BICDL1: variants seen among roughly 807,000 people sequenced by gnomAD.
The protein encoded by BICDL1 is BICD family-like cargo adapter 1.
BICDL1 carries 20 observed loss-of-function variants against 76.8 expected under a neutral mutation model. The ratio of observed to expected loss-of-function variants is 0.26; its 90% CI spans 0.18 to 0.38. The LOEUF (loss-of-function observed/expected upper bound fraction) is 0.38. BICDL1 is among the 10% of genes least tolerant of loss of function. The probability of loss-of-function intolerance (pLI) is 1.00; values close to 1 mark genes in which losing one functional copy is unlikely to be tolerated. For synonymous variants in BICDL1, 383 were observed against 337.1 expected (o/e 1.14, Z -1.49); for missense variants, 700 against 798.6 (o/e 0.88, Z 1.49).
intron 2 of BICDL1, among the ~76,000 whole-genome samples, chr12:120,020,763 C>T (rs1421454343): frequency 2.0e-5 from 3 of 152,152 alleles, no homozygotes; most frequent in African/African-American, 7.2e-5. Flanking sequence ...GAGAAAGACA[C>T]AGCTTTACAA....
At chr12:120,047,040 C>T (rs973959127) in intron 2 of BICDL1, among the ~76,000 whole-genome samples, 3 of 152,210 alleles carry the variant, frequency 2.0e-5, no homozygotes, top group Admixed American at 6.5e-5. Flanking sequence ...TGAGGGATTA[C>T]GTTTCTGATA....
At chr12:120,052,217 C>T (rs748074728) in intron 2 of BICDL1, among the ~76,000 whole-genome samples, 5 of 152,014 alleles carry the variant, frequency 3.3e-5, no homozygotes, top group Non-Finnish European at 7.4e-5. Flanking sequence ...GCTGGGATTA[C>T]AGGCATGCCT....
At chr12:120,091,540 C>G (rs2139031708) in intron 9 of BICDL1, 1 of 985,734 alleles carries the variant, frequency 1.0e-6, no homozygotes, top group African/African-American at 1.7e-5. Context: ...TGGCAAATAC[C>G]TGGCACAGTG....
chr12:120,007,451 C>T (rs1951870986), intron 2 of BICDL1, among the ~76,000 whole-genome samples: 1 of 152,034 alleles, frequency 6.6e-6, no homozygotes, highest in African/African-American at 2.4e-5. Context: ...AAGAGTGTCC[C>T]CCACCCCCCA....
chr12:119,989,307 C>A lies in BICDL1; in HGVS notation c.-562C>A, dbSNP rs1360238130. Among the ~76,000 whole-genome samples, 8 of 150,478 alleles carry A rather than the reference C, an allele frequency of 5.3e-5. No individual in the cohort carries two copies. Among genetic ancestry groups the A allele is most frequent in the Admixed American group, 4.0e-4 (6 of 15,174 alleles). ...CCTCGGCCCCTGCAGCAGCAGCAGC[C>A]GCCGTCGCCGCCGCTGCTGCTGGGG... On this transcript the variant is annotated 5_prime_UTR_variant, in exon 1 of 10. Transcript: ENST00000548673.
At chr12:120,076,459 C>T (rs1448621998) in intron 7 of BICDL1, among the ~76,000 whole-genome samples, 1 of 152,132 alleles carries the variant, frequency 6.6e-6, no homozygotes, top group East Asian at 1.9e-4. Flanking sequence ...AATTATAAAA[C>T]TAGAACTCCA....
intron 2 of BICDL1, among the ~76,000 whole-genome samples, chr12:120,054,602 G>A (rs1952935800): frequency 6.6e-6 from 1 of 152,154 alleles, no homozygotes; most frequent in African/African-American, 2.4e-5. Flanking sequence ...TAATAGGCTG[G>A]GTGTGGTGGC....
Position 120,071,699 on chromosome 12 carries a change from TGAG to T in BICDL1, c.991_993del (p.Glu331del). 2 of 1,612,532 alleles carry T rather than the reference TGAG, an allele frequency of 1.2e-6. No individual in the cohort carries two copies. Among genetic ancestry groups the T allele is most frequent in the Non-Finnish European group, 1.7e-6 (2 of 1,179,772 alleles). ...TGCAGGTGAAGGTGGAAGAACTCAC[TGAG>T]GAGAGGAGTCTGCAGAGCTCTGCCG... is the stretch of plus-strand genomic sequence containing the variant. On this transcript the variant is annotated inframe_deletion, in exon 5 of 10. Coordinates refer to ENST00000548673, the MANE Select transcript of BICDL1 (RefSeq NM_001367886.1). This position sits in a 1 kb window ranked among gnomAD's most constrained non-coding sequence, Gnocchi z 4.8.
chr12:120,010,549 C>G (rs111284897), intron 2 of BICDL1, among the ~76,000 whole-genome samples: 2 of 152,160 alleles, frequency 1.3e-5, no homozygotes, highest in Non-Finnish European at 2.9e-5. Flanking sequence ...TTTCAATCAG[C>G]GGTTCTCAAA....
intron 2 of BICDL1, among the ~76,000 whole-genome samples, chr12:120,012,148 AT>A (rs1477183693): frequency 6.6e-6 from 1 of 152,078 alleles, no homozygotes; most frequent in African/African-American, 2.4e-5. Flanking sequence ...TCTCACCCAA[AT>A]TTACTCCTTT....
intron 7 of BICDL1, 76 bp from the exon 8 acceptor site, chr12:120,080,811 C>G (rs1873909719): frequency 1.9e-6 from 3 of 1,560,532 alleles, no homozygotes; most frequent in East Asian, 2.3e-5. Flanking sequence ...CCTGGGGTCT[C>G]TTTGTTCCTT....
At chr12:120,045,409 C>A (rs1318711730) in intron 2 of BICDL1, among the ~76,000 whole-genome samples, 1 of 152,026 alleles carries the variant, frequency 6.6e-6, no homozygotes, top group African/African-American at 2.4e-5. Flanking sequence ...CCCAGCCATC[C>A]CATTACTGGG....
chr12:119,990,582 C>G (rs1187465355), intron 1 of BICDL1, among the ~76,000 whole-genome samples: 2 of 152,184 alleles, frequency 1.3e-5, no homozygotes, highest in Admixed American at 6.5e-5. Context: ...TACAGTATGA[C>G]TATATAGCAC....
At chr12:120,057,263 C>T in intron 2 of BICDL1, 1 of 371,858 alleles carries the variant, frequency 2.7e-6, no homozygotes, top group South Asian at 2.0e-5. Flanking sequence ...GATCCTTCCA[C>T]CTTGGCCTCC....
chr12:120,062,301 T>C (rs1200774584), intron 3 of BICDL1, among the ~76,000 whole-genome samples: 2 of 152,168 alleles, frequency 1.3e-5, no homozygotes, highest in East Asian at 1.9e-4. Context: ...ATTGGAACCA[T>C]AGGAGAGGCC....
intron 2 of BICDL1, among the ~76,000 whole-genome samples, chr12:120,034,428 G>A (rs149415913): frequency 1.4e-3 from 218 of 152,298 alleles, no homozygotes; most frequent in Non-Finnish European, 2.4e-3. Context: ...TTGGAGTGGG[G>A]CACTGAGCTT....
intron 4 of BICDL1, among the ~76,000 whole-genome samples, chr12:120,070,561 C>CT (rs1873007385): frequency 1.3e-5 from 2 of 152,104 alleles, no homozygotes; most frequent in Non-Finnish European, 2.9e-5. Context: ...AAAAATGTAA[C>CT]TACAGTACTA....
At chr12:120,013,996 T>C (rs551599778) in intron 2 of BICDL1, among the ~76,000 whole-genome samples, 4 of 152,344 alleles carry the variant, frequency 2.6e-5, no homozygotes, top group Middle Eastern at 6.8e-3. Context: ...GATCTCACAG[T>C]TGAAGAAAGC....
intron 2 of BICDL1, among the ~76,000 whole-genome samples, chr12:120,003,960 T>C (rs1951807274): frequency 6.6e-6 from 1 of 152,212 alleles, no homozygotes; most frequent in African/African-American, 2.4e-5. Context: ...AAGAACTCCC[T>C]GTCTGCAACT....
Sources: gnomAD v4.1 joint callset for allele counts (sites outside exome capture counted in the v4.1 genomes callset) on GRCh38, gnomAD v4.1.1 for gene constraint, Gnocchi (gnomAD v3.1) non-coding constraint, MANE v1.5 for transcripts, NCBI Gene and HGNC (gene_info 2026-07-23, HGNC 2026-07-21) for gene names.